The following ETV6 variants were observed in gnomAD, a reference collection of about 807,000 sequenced individuals.
The protein encoded by ETV6 is transcription factor ETV6.
In ETV6, 16 loss-of-function variants were observed where a neutral mutation model predicts 51.1. The ratio of observed to expected loss-of-function variants is 0.31; its 90% CI spans 0.21 to 0.48. The LOEUF (loss-of-function observed/expected upper bound fraction) is 0.48. Ranked by LOEUF, ETV6 falls within the 20% of genes least tolerant of loss-of-function variation. The pLI, the probability that ETV6 is intolerant of heterozygous loss-of-function variation, is 0.99. For missense variants in ETV6, 458 were observed against 594.8 expected (o/e 0.77, Z 2.39); for synonymous variants, 240 against 224.1 (o/e 1.07, Z -0.64).
At chr12:11,762,586 G>T (rs994739610) in intron 2 of ETV6, among the ~76,000 whole-genome samples, 6 of 152,186 alleles carry the variant, frequency 3.9e-5, no homozygotes, top group Admixed American at 6.5e-5. Flanking sequence ...GTTGGCAAGG[G>T]AATGAAGGCT....
At chr12:11,714,210 G>A (rs142307754) in intron 1 of ETV6, among the ~76,000 whole-genome samples, 96 of 152,200 alleles carry the variant, frequency 6.3e-4, no homozygotes, top group Non-Finnish European at 1.2e-3. Context: ...AGGTAATAAT[G>A]GAAAGAGGAC....
chr12:11,797,040 T>A (rs1167776168), intron 2 of ETV6, among the ~76,000 whole-genome samples: 1 of 152,216 alleles, frequency 6.6e-6, no homozygotes, highest in Non-Finnish European at 1.5e-5. Flanking sequence ...CTTTATCTCC[T>A]TGTCGAGAGG....
chr12:11,671,451 G>A (rs997538105), intron 1 of ETV6, among the ~76,000 whole-genome samples: 1 of 152,086 alleles, frequency 6.6e-6, no homozygotes, highest in Non-Finnish European at 1.5e-5. Context: ...CATGTTAATC[G>A]ATTGTACATT....
At chr12:11,742,335 C>T (rs1165236599) in intron 1 of ETV6, among the ~76,000 whole-genome samples, 1 of 152,210 alleles carries the variant, frequency 6.6e-6, no homozygotes, top group Non-Finnish European at 1.5e-5. Context: ...CAAAACTCCC[C>T]AGACTTTCTA....
chr12:11,702,834 C>T (rs1250933932), intron 1 of ETV6, among the ~76,000 whole-genome samples: 2 of 152,138 alleles, frequency 1.3e-5, no homozygotes, highest in Non-Finnish European at 2.9e-5. Flanking sequence ...TAAAAGGTTA[C>T]ATTTGTCATG....
At chr12:11,871,276 C>T (rs1204375327) in intron 5 of ETV6, among the ~76,000 whole-genome samples, 1 of 151,552 alleles carries the variant, frequency 6.6e-6, no homozygotes, top group East Asian at 1.9e-4. Context: ...GCAAGCTCCG[C>T]CTCCCGGGTT....
rs1947362252 is a variant in ETV6, at chr12:11,894,513, G to A, written c.*3467G>A. On this transcript the variant is annotated 3_prime_UTR_variant, in exon 8 of 8. Transcript: ENST00000396373. ...ATGAGGGTATCCCCACAGAAAAAGA[G>A]GAATAATAGACCAATGGATTTTCTC... The A allele has an allele frequency of 4.3e-6, 1 of 233,116 alleles. No individual in the cohort carries two copies. Among genetic ancestry groups the A allele is most frequent in the Non-Finnish European group, 8.5e-6 (1 of 118,034 alleles). 14.4% of individuals were successfully genotyped at this position (233,116 alleles called of 1,614,324 possible). A position where few individuals can be genotyped will look rare whatever the true frequency, so the allele number is the denominator to read the frequency against.
At chr12:11,852,541 A>T (rs1348457622) in intron 3 of ETV6, among the ~76,000 whole-genome samples, 1 of 152,204 alleles carries the variant, frequency 6.6e-6, no homozygotes, top group Non-Finnish European at 1.5e-5. Context: ...AATTTCTGTG[A>T]AGAATCTATG....
At chr12:11,726,225 G>T (rs1345155082) in intron 1 of ETV6, among the ~76,000 whole-genome samples, 1 of 152,224 alleles carries the variant, frequency 6.6e-6, no homozygotes, top group African/African-American at 2.4e-5. Context: ...ATGGCAAGGG[G>T]TATGTTTGGA....
rs746390917 is a variant in ETV6, at chr12:11,656,369, T to G, written c.33+6209T>G. On this transcript the variant is annotated intron_variant, in intron 1 of 7. Coordinates refer to ENST00000396373, the MANE Select transcript of ETV6 (RefSeq NM_001987.5). Reference sequence around the variant, plus strand: ...ATTTTTGCGAAGAAAATTAGGAAACTTGAAGTGACGGGTGGCTGGTGGATT... The same window carrying G: ...ATTTTTGCGAAGAAAATTAGGAAACGTGAAGTGACGGGTGGCTGGTGGATT... Among the ~76,000 whole-genome samples the G allele has an allele frequency of 2.0e-5, 3 of 152,272 alleles. No individual in the cohort carries two copies. In the South Asian group the frequency reaches 6.2e-4, roughly 32 times the overall value.
At chr12:11,770,942 C>A (rs991923399) in intron 2 of ETV6, among the ~76,000 whole-genome samples, 3 of 152,124 alleles carry the variant, frequency 2.0e-5, no homozygotes, top group African/African-American at 7.2e-5. Flanking sequence ...GGCTCTGAGG[C>A]ACCCTCATGG....
chr12:11,785,522 T>C (rs576678542), intron 2 of ETV6, among the ~76,000 whole-genome samples: 12 of 152,348 alleles, frequency 7.9e-5, no homozygotes, highest in African/African-American at 2.9e-4. Context: ...CCCTGATGCC[T>C]AGAACAATGC....
At chr12:11,765,753 T>C (rs1945153135) in intron 2 of ETV6, among the ~76,000 whole-genome samples, 1 of 152,026 alleles carries the variant, frequency 6.6e-6, no homozygotes, top group Non-Finnish European at 1.5e-5. Context: ...GGATAAAAGG[T>C]ACTTTGGTAA....
intron 2 of ETV6, among the ~76,000 whole-genome samples, chr12:11,827,275 A>T (rs1946171126): frequency 6.6e-6 from 1 of 152,140 alleles, no homozygotes; most frequent in African/African-American, 2.4e-5. Flanking sequence ...CAGCCCAGAC[A>T]GCCTTTCGGT....
At chr12:11,685,396 C>G (rs531500123) in intron 1 of ETV6, among the ~76,000 whole-genome samples, 2 of 151,742 alleles carry the variant, frequency 1.3e-5, no homozygotes, top group African/African-American at 2.4e-5. Flanking sequence ...ACCTAGAAAC[C>G]CTTAGGGGCA....
At chr12:11,684,617 C>A (rs1305154206) in intron 1 of ETV6, among the ~76,000 whole-genome samples, 1 of 152,222 alleles carries the variant, frequency 6.6e-6, no homozygotes, top group Non-Finnish European at 1.5e-5. Flanking sequence ...TCTCACCCTT[C>A]CCCTTCCCTA....
intron 1 of ETV6, among the ~76,000 whole-genome samples, chr12:11,674,251 A>G (rs1175020654): frequency 6.6e-6 from 1 of 152,196 alleles, no homozygotes; most frequent in Non-Finnish European, 1.5e-5. Flanking sequence ...ACATAGCAAT[A>G]TAAAATGCCA....
intron 2 of ETV6, among the ~76,000 whole-genome samples, chr12:11,789,343 T>C (rs999078470): frequency 6.6e-6 from 1 of 152,164 alleles, no homozygotes; most frequent in African/African-American, 2.4e-5. Flanking sequence ...TGTTTTAATG[T>C]CCTTCTTACT....
intron 1 of ETV6, among the ~76,000 whole-genome samples, chr12:11,668,625 C>T (rs1290135910): frequency 2.6e-5 from 4 of 152,084 alleles, no homozygotes; most frequent in South Asian, 4.1e-4. Context: ...CTGGCTGGGT[C>T]GGAGAAGGGC....
Sources: allele counts gnomAD v4.1 joint callset (sites outside exome capture counted in the v4.1 genomes callset), GRCh38; gene constraint gnomAD v4.1.1; transcripts MANE v1.5; gene names NCBI Gene and HGNC (gene_info 2026-07-23, HGNC 2026-07-21).